Variants in IFT140 observed in about 807,000 individuals in gnomAD.
IFT140 encodes the protein intraflagellar transport 140, also known as intraflagellar transport protein 140 homolog.
A neutral mutation model predicts 164.6 loss-of-function variants in IFT140; 133 were observed. The ratio of observed to expected loss-of-function variants is 0.81; its 90% CI spans 0.70 to 0.93. The LOEUF (loss-of-function observed/expected upper bound fraction) is 0.93. Among genes scored for constraint, IFT140 ranks in the 40% least tolerant of loss-of-function variants. The pLI is 0.00. For missense variants in IFT140, 2,045 were observed against 1,972.3 expected, an observed-to-expected ratio of 1.04 and a Z score of -0.70; for synonymous variants, 860 against 817.3, an observed-to-expected ratio of 1.05 and a Z score of -0.89.
At chr16:1,604,366 G>A (rs1364027701) in intron 3 of IFT140, 4 of 150,938 alleles carry the variant, frequency 2.7e-5, no homozygotes, top group Admixed American at 2.0e-4. Context: ...TCACCTGAAG[G>A]ATTAATGCAT....
At chr16:1,512,387 G>A (rs1234620316) in intron 30 of IFT140, among the ~76,000 whole-genome samples, 1 of 152,124 alleles carries the variant, frequency 6.6e-6, no homozygotes, top group African/African-American at 2.4e-5. Context: ...GTGAGGTGGT[G>A]CACGTGACCC....
chr16:1,525,855 G>A, intron 21 of IFT140, 32 bp downstream of exon 21: 2 of 1,494,916 alleles, frequency 1.3e-6, no homozygotes, highest in East Asian at 2.5e-5. Context: ...CATCCAGAGA[G>A]GCAGGGAAGA....
At chr16:1,541,969 T>G in intron 19 of IFT140, 1 of 1,610,660 alleles carries the variant, frequency 6.2e-7, no homozygotes, top group Non-Finnish European at 8.5e-7. Context: ...ACGGCCGCGC[T>G]CACCGCAGGC....
chr16:1,610,621 C>T (rs1172148353), intron 2 of IFT140, 43 bp downstream of exon 2: 1 of 152,328 alleles, frequency 6.6e-6, no homozygotes, highest in Non-Finnish European at 1.5e-5. Flanking sequence ...CGGCCTGGCT[C>T]CTAAGGACCT....
At chr16:1,568,079 G>A in intron 15 of IFT140, 138 bp downstream of exon 15, 2 of 652,416 alleles carry the variant, frequency 3.1e-6, no homozygotes, top group South Asian at 1.8e-5. Context: ...GAGACGAGGG[G>A]AAGGAGAGTG....
chr16:1,569,159 C>T (rs372056219), intron 14 of IFT140, among the ~76,000 whole-genome samples: 4 of 152,070 alleles, frequency 2.6e-5, no homozygotes, highest in East Asian at 3.9e-4. Flanking sequence ...CGCCCGCCAC[C>T]GCGCCCGGCT....
intron 3 of IFT140, among the ~76,000 whole-genome samples, chr16:1,604,263 C>T (rs1055692667): frequency 7.5e-5 from 7 of 93,394 alleles, no homozygotes; most frequent in Admixed American, 3.5e-4. Context: ...CGCTGCATCG[C>T]GCTGCAAGGG....
Position 1,564,113 on chromosome 16 carries a change from G to A in IFT140, c.1951C>T (p.His651Tyr). The change falls in exon 17 of 31, where the codon CAC (histidine) becomes TAC (tyrosine). Residue 651 changes from histidine to tyrosine, a missense_variant. Physicochemically the swap from His to Tyr is moderately conservative, Grantham distance 83 (BLOSUM62 2). Transcript: ENST00000426508. This position sits in a 1 kb window ranked among gnomAD's most constrained non-coding sequence, Gnocchi z 5.5. ...EGLKNYVPVNHFWDQSEPRLF... is the reference protein window; with the variant it reads ...EGLKNYVPVNYFWDQSEPRLF... ...CGGGGCTCACTCTGGTCCCAGAAGT[G>A]GTTCACGGGAACATAATTTTTCAGT... is the stretch of plus-strand genomic sequence containing the variant. 2.5e-6 allele frequency: 4 copies of A among 1,593,300 alleles called. No homozygotes were observed. The highest frequency in any genetic ancestry group is 3.4e-6 in the Non-Finnish European group (4 of 1,164,166).
At chr16:1,597,947 T>G (rs1002136695) in intron 4 of IFT140, among the ~76,000 whole-genome samples, 38 of 152,158 alleles carry the variant, frequency 2.5e-4, no homozygotes, top group Non-Finnish European at 2.9e-5. Flanking sequence ...ACAGTCAAGC[T>G]GAGAATTACA....
At chr16:1,593,529 AC>A (rs1001357627) in intron 4 of IFT140, among the ~76,000 whole-genome samples, 1 of 151,746 alleles carries the variant, frequency 6.6e-6, no homozygotes, top group Non-Finnish European at 1.5e-5. Flanking sequence ...CCAGGCTGGG[AC>A]CCCACGTGAC....
Position 1,564,526 on chromosome 16 carries a change from T to C in IFT140, c.1902-364A>G, listed in dbSNP as rs922181048. On this transcript the variant is annotated intron_variant, in intron 16 of 30. Coordinates refer to ENST00000426508, the MANE Select transcript of IFT140 (RefSeq NM_014714.4). This position sits in a 1 kb window ranked among gnomAD's most constrained non-coding sequence, Gnocchi z 5.5. ...GGATGGCACCCCCTGCTGGGCGGGG[T>C]CGAGGCTTTGGCTCTGTGGTCATGC... Among the ~76,000 whole-genome samples, 1 of 151,806 alleles carries C rather than the reference T, an allele frequency of 6.6e-6. No homozygotes were observed. The highest frequency in any genetic ancestry group is 1.5e-5 in the Non-Finnish European group (1 of 67,940).
At chr16:1,580,534 G>T in intron 13 of IFT140, 1 of 442,236 alleles carries the variant, frequency 2.3e-6, no homozygotes, top group East Asian at 4.4e-5. Context: ...CACCAGGATT[G>T]TAAGTTTCCT....
intron 30 of IFT140, among the ~76,000 whole-genome samples, chr16:1,516,001 G>A (rs963100532): frequency 2.6e-5 from 4 of 151,898 alleles, no homozygotes; most frequent in East Asian, 1.9e-4. Context: ...TTAGCCAGGC[G>A]TGGTGGCGCA....
intron 19 of IFT140, chr16:1,534,698 G>T: frequency 8.1e-7 from 1 of 1,242,168 alleles, no homozygotes; most frequent in East Asian, 2.4e-5. Flanking sequence ...AGGCAGGAGG[G>T]GGCACTGTGT....
chr16:1,525,055 G>T, intron 22 of IFT140, 139 bp from the exon 23 acceptor site: 2 of 1,341,764 alleles, frequency 1.5e-6, no homozygotes, highest in Non-Finnish European at 2.0e-6. Context: ...GAGGACCCCT[G>T]GCTTTGTCCA....
intron 19 of IFT140, among the ~76,000 whole-genome samples, chr16:1,543,784 G>A (rs565251006): frequency 2.8e-4 from 42 of 152,246 alleles, no homozygotes; most frequent in African/African-American, 7.2e-4. Context: ...CTGCTGACCC[G>A]AGGGCCATAA....
chr16:1,570,678 G>T (rs2141624303), intron 14 of IFT140, among the ~76,000 whole-genome samples: 1 of 152,266 alleles, frequency 6.6e-6, no homozygotes, highest in East Asian at 1.9e-4. Flanking sequence ...ACACCCTTTA[G>T]TGAAGCTGTT....
intron 12 of IFT140, among the ~76,000 whole-genome samples, chr16:1,581,814 T>TGGAGGGGAGGGGAGG (rs2034586508): frequency 2.0e-4 from 2 of 9,994 alleles, no homozygotes; most frequent in African/African-American, 7.4e-4. Flanking sequence ...GGGATGGGAG[T>TGGAGGGGAGGGGAGG]GGAGGGGAGG....
intron 3 of IFT140, among the ~76,000 whole-genome samples, chr16:1,605,057 CAGG>C (rs1172442684): frequency 1.3e-5 from 2 of 152,060 alleles, no homozygotes; most frequent in East Asian, 1.9e-4. Flanking sequence ...AACTTCTAGG[CAGG>C]AGATGTATGT....
Sources: allele counts gnomAD v4.1 joint callset (sites outside exome capture counted in the v4.1 genomes callset), GRCh38; gene constraint gnomAD v4.1.1; non-coding constraint Gnocchi (gnomAD v3.1); transcripts MANE v1.5; gene names NCBI Gene and HGNC (gene_info 2026-07-23, HGNC 2026-07-21).